The following GMPS variants were observed in gnomAD, a reference collection of about 807,000 sequenced individuals.
GMPS encodes guanosine monophosphate synthase.
Under a neutral mutation model 77.9 loss-of-function variants are expected in GMPS, and 15 were observed. That is an observed-to-expected ratio of 0.19 (90% CI 0.13 to 0.30). The LOEUF is 0.30. GMPS is among the 10% of genes least tolerant of loss of function. The pLI, the probability that GMPS is intolerant of heterozygous loss-of-function variation, is 1.00. For synonymous variants in GMPS, 224 were observed against 275.9 expected (o/e 0.81, Z 1.86); for missense variants, 590 against 838.8 (o/e 0.70, Z 3.66).
chr3:155,903,299 A>G (rs1560043347), intron 3 of GMPS, among the ~76,000 whole-genome samples: 1 of 152,226 alleles, frequency 6.6e-6, no homozygotes, highest in East Asian at 1.9e-4. Context: ...GACCATTTGA[A>G]ATCAGTCGAT....
chr3:155,914,937 T>C (rs761094095), intron 8 of GMPS, among the ~76,000 whole-genome samples: 27 of 151,746 alleles, frequency 1.8e-4, no homozygotes, highest in Admixed American at 1.3e-4. Flanking sequence ...CCCAGCTAAT[T>C]TTTGTACTTT....
At chr3:155,870,004 C>A (rs1400080618), upstream of GMPS, among the ~76,000 whole-genome samples, 1 of 152,220 alleles carries the variant, frequency 6.6e-6, no homozygotes, top group Non-Finnish European at 1.5e-5. Flanking sequence ...GCAAACAGAG[C>A]TTCACGACCA....
At chr3:155,873,702 T>G (rs1753959555) in intron 1 of GMPS, among the ~76,000 whole-genome samples, 1 of 132,256 alleles carries the variant, frequency 7.6e-6, no homozygotes, top group Admixed American at 9.2e-5. Context: ...TGGTGTGATC[T>G]CGGCTCACTG....
chr3:155,911,018 G>T, intron 6 of GMPS, 96 bp from the exon 7 acceptor site: 1 of 1,131,614 alleles, frequency 8.8e-7, no homozygotes, highest in Non-Finnish European at 1.3e-6. Context: ...ACATATCTTT[G>T]GTATAAATAG....
chr3:155,886,540 G>T (rs892145528), intron 1 of GMPS, among the ~76,000 whole-genome samples: 11 of 131,766 alleles, frequency 8.3e-5, no homozygotes, highest in Admixed American at 1.7e-4. Context: ...CTGCACTCTA[G>T]CCCGGGCTAC....
rs572234268 is a variant in GMPS at position 155,942,235 on chromosome 3, C to T, written c.*4543C>T. ...CCGAGTAGCTGGGACTACAGGCGCCCGCCACTACGCCCGGCTAATTTTTTT... is the reference window on the plus strand; with the variant it reads ...CCGAGTAGCTGGGACTACAGGCGCCTGCCACTACGCCCGGCTAATTTTTTT... On this transcript the variant is annotated 3_prime_UTR_variant, in exon 16 of 16. Transcript: ENST00000496455. The T allele has an allele frequency of 2.4e-4, 44 of 181,996 alleles. No individual in the cohort carries two copies. Among genetic ancestry groups the T allele is most frequent in the African/African-American group, 1.0e-3 (44 of 42,560 alleles). The allele number at this position is 181,996 out of a possible 1,614,324, so 11.3% of individuals were successfully genotyped here.
Position 155,928,081 on chromosome 3 carries a change from C to G in GMPS, c.1560+2715C>G, listed in dbSNP as rs947552738. On this transcript the variant is annotated intron_variant, in intron 12 of 15. Transcript: ENST00000496455. ...TTGCTCTGTCACCCAGGCTGGAGCA[C>G]AGTGGCTTGATCTCAGCTCATGGCA... Among the ~76,000 whole-genome samples the G allele has an allele frequency of 5.4e-5, 7 of 129,176 alleles. No individual in the cohort carries two copies. The Admixed American group carries it at 6.8e-4, about 13-fold the overall frequency. The allele number at this position is 129,176 out of a possible 152,430, so 84.7% of individuals were successfully genotyped here.
intron 1 of GMPS, among the ~76,000 whole-genome samples, chr3:155,888,026 G>A (rs949898670): frequency 2.0e-5 from 3 of 151,898 alleles, no homozygotes; most frequent in African/African-American, 7.3e-5. Flanking sequence ...TGAGATGATG[G>A]CCTCTTATGA....
chr3:155,892,088 T>G (rs1754486279), intron 1 of GMPS, among the ~76,000 whole-genome samples: 2 of 152,324 alleles, frequency 1.3e-5, no homozygotes, highest in South Asian at 4.1e-4. Flanking sequence ...TAAATATGTT[T>G]ATTGTAAACA....
intron 1 of GMPS, among the ~76,000 whole-genome samples, chr3:155,878,226 G>A (rs189817090): frequency 7.6e-4 from 116 of 152,264 alleles, no homozygotes; most frequent in African/African-American, 2.7e-3. Flanking sequence ...CATTCAGACC[G>A]TAGCACCTAT....
At chr3:155,918,557 T>C (rs908475167) in intron 9 of GMPS, among the ~76,000 whole-genome samples, 2 of 152,244 alleles carry the variant, frequency 1.3e-5, no homozygotes, top group African/African-American at 4.8e-5. Context: ...CATTTTTTCA[T>C]GTTCTTGCTT....
At chr3:155,907,768 G>T (rs530049153) in intron 5 of GMPS, among the ~76,000 whole-genome samples, 1 of 152,284 alleles carries the variant, frequency 6.6e-6, no homozygotes, top group East Asian at 1.9e-4. Flanking sequence ...CAATTTTATA[G>T]GCTATTCAGG....
rs150863602 is a variant in GMPS, at chr3:155,894,337, C to T, written c.209+638C>T. Among the ~76,000 whole-genome samples the T allele has an allele frequency of 6.0e-4, 91 of 152,252 alleles. No homozygotes were observed. The East Asian group carries it at 0.016, about 26-fold the overall frequency. The stretch of plus-strand genomic sequence containing the variant: ...CTCCCAGGTTCAGGTGATGCTCCTG[C>T]CTCAGCCTCTCGAGTAGCTGGAAGT... On this transcript the variant is annotated intron_variant, in intron 2 of 15. Transcript: ENST00000496455.
At position 155,879,877 on chromosome 3, in the gene GMPS, C is replaced by T. The variant is rs892090242; in HGVS notation, c.27+8980C>T. Reference sequence around the variant, plus strand: ...TCCTGAGTAGCTGGGATTTCAGGCGCCTGCCACCATGCCCAGCTAATTCTT... The same window carrying T: ...TCCTGAGTAGCTGGGATTTCAGGCGTCTGCCACCATGCCCAGCTAATTCTT... On this transcript the variant is annotated intron_variant, in intron 1 of 15. Transcript: ENST00000496455. Among the ~76,000 whole-genome samples, 10 of 151,654 alleles carry T rather than the reference C, an allele frequency of 6.6e-5. 1 individual carries two copies. In the Middle Eastern group the frequency reaches 0.014, roughly 208 times the overall value.
intron 12 of GMPS, among the ~76,000 whole-genome samples, chr3:155,927,173 A>G (rs1755477921): frequency 6.6e-6 from 1 of 152,202 alleles, no homozygotes; most frequent in African/African-American, 2.4e-5. Flanking sequence ...CTATTGAAAT[A>G]ACCTTACTTG....
At chr3:155,891,604 C>CTTTTTT (rs35759331) in intron 1 of GMPS, among the ~76,000 whole-genome samples, 3 of 127,894 alleles carry the variant, frequency 2.3e-5, no homozygotes. Context: ...TTGTTTGTTA[C>CTTTTTT]TTTTTTTTTT....
In GMPS at chr3:155,942,038, T is replaced by C. The variant is rs62287810; in HGVS notation, c.*4346T>C. 4.9e-6 allele frequency: 1 copy of C among 203,756 alleles called. No homozygotes were observed. Among genetic ancestry groups the C allele is most frequent in the Admixed American group, 6.0e-5 (1 of 16,724 alleles). 12.6% of individuals were successfully genotyped at this position (203,756 alleles called of 1,614,324 possible). On this transcript the variant is annotated 3_prime_UTR_variant, in exon 16 of 16. Coordinates refer to ENST00000496455, the MANE Select transcript of GMPS (RefSeq NM_003875.3). ...GGAGTTAAAAAATACAATAACCAGA[T>C]GTCCAATTAAATAAAATTAGAATCT... is the stretch of plus-strand genomic sequence containing the variant.
intron 1 of GMPS, among the ~76,000 whole-genome samples, chr3:155,888,967 TC>T (rs1754402891): frequency 6.6e-6 from 1 of 152,152 alleles, no homozygotes; most frequent in Admixed American, 6.6e-5. Context: ...GCGATCTGCC[TC>T]CCTCCACTAC....
At chr3:155,892,806 A>G (rs1458925289) in intron 1 of GMPS, among the ~76,000 whole-genome samples, 1 of 152,014 alleles carries the variant, frequency 6.6e-6, no homozygotes, top group Non-Finnish European at 1.5e-5. Context: ...AATTTTTTGT[A>G]TTTTTAGTAG....
Sources: allele counts gnomAD v4.1 joint callset (sites outside exome capture counted in the v4.1 genomes callset), GRCh38; gene constraint gnomAD v4.1.1; transcripts MANE v1.5; gene names NCBI Gene and HGNC (gene_info 2026-07-23, HGNC 2026-07-21).